The following FCSK variants were observed in gnomAD, a reference collection of about 807,000 sequenced individuals.
FCSK encodes the protein fucose kinase, also known as L-fucose kinase.
A neutral mutation model predicts 122.5 loss-of-function variants in FCSK; 123 were observed. That is an observed-to-expected ratio of 1.00 (90% CI 0.87 to 1.17). FCSK has a LOEUF of 1.17. Ranked by LOEUF, FCSK falls within the 50% of genes most tolerant of loss-of-function variation. The pLI, the probability that FCSK is intolerant of heterozygous loss-of-function variation, is 0.00. For synonymous variants in FCSK, 620 were observed against 625.5 expected (o/e 0.99, Z 0.13); for missense variants, 1,366 against 1,450.4 (o/e 0.94, Z 0.95).
rs1465101242 is a variant in FCSK at position 70,472,981 on chromosome 16, A to G, written c.1407-2A>G. On this transcript the variant is annotated splice_acceptor_variant, in intron 14 of 23. Coordinates refer to ENST00000288078, the MANE Select transcript of FCSK (RefSeq NM_145059.3). LOFTEE classifies it high-confidence loss of function. Reference sequence around the variant, plus strand: ...TGGGAATGTGCCTTCTCCCCACATCAGAGCCTGGGACCTGTGGGACCCTGA... The same window carrying G: ...TGGGAATGTGCCTTCTCCCCACATCGGAGCCTGGGACCTGTGGGACCCTGA... The G allele has an allele frequency of 6.2e-7, 1 of 1,601,482 alleles. No individual in the cohort carries two copies. The highest frequency in any genetic ancestry group is 8.5e-7 in the Non-Finnish European group (1 of 1,174,510).
intron 1 of FCSK, among the ~76,000 whole-genome samples, chr16:70,460,057 C>T (rs572657539): frequency 1.6e-3 from 242 of 151,396 alleles, no homozygotes; most frequent in African/African-American, 5.7e-3. Context: ...CCCCTGTCTC[C>T]CAAAGTGCTC....
At chr16:70,462,996 G>C (rs1234139409) in intron 1 of FCSK, among the ~76,000 whole-genome samples, 173 bp from the exon 2 acceptor site, 2 of 152,212 alleles carry the variant, frequency 1.3e-5, no homozygotes, top group Non-Finnish European at 2.9e-5. Flanking sequence ...ATCAGTGGTT[G>C]TCAGGGCGTA....
intron 1 of FCSK, among the ~76,000 whole-genome samples, chr16:70,462,660 T>G (rs1432698627): frequency 6.6e-6 from 1 of 151,942 alleles, no homozygotes; most frequent in Admixed American, 6.6e-5. Context: ...ATTTATTTTT[T>G]TTGAGACGGA....
chr16:70,461,244 G>T (rs2048254932), intron 1 of FCSK, among the ~76,000 whole-genome samples: 1 of 152,220 alleles, frequency 6.6e-6, no homozygotes, highest in Non-Finnish European at 1.5e-5. Context: ...TCAGGGCGCA[G>T]CTCAGCCAGT....
intron 20 of FCSK, 167 bp downstream of exon 20, chr16:70,475,934 C>T (rs2151729025): frequency 1.5e-6 from 1 of 687,054 alleles, no homozygotes; most frequent in East Asian, 3.2e-5. Flanking sequence ...TGGTCGTTTT[C>T]AACCTGAAAT....
At position 70,473,146 on chromosome 16, in the gene FCSK, G is replaced by T. The variant is rs550917987; in HGVS notation, c.1570G>T (p.Ala524Ser). Residue 524 changes from alanine (A) to serine (S), a missense_variant, in exon 15 of 24, where the codon GCC (alanine) becomes TCC (serine). Transcript: ENST00000288078. This position sits in a 1 kb window ranked among gnomAD's most constrained non-coding sequence, Gnocchi z 4.9. ...GGGCGAGGCCCTGCGAGCCTGGCGG[G>T]CCTCCTGGCGCCTGTCCTGGGAGCA... ...DGGEALRAWR[A>S]SWRLSWEQLQ... 3.2e-4 allele frequency: 498 copies of T among 1,550,754 alleles called. 9 individuals carry two copies. The South Asian group carries it at 5.5e-3, about 17-fold the overall frequency.
chr16:70,455,147 C>G lies in FCSK; in HGVS notation c.-23+517C>G, dbSNP rs1467922542. ...AGAGTCCTCCGTGAGCCTTTTTTTC[C>G]TCTTTAAAGTTCTAAAATGTGCAGT... On this transcript the variant is annotated intron_variant, in intron 1 of 23. Transcript: ENST00000288078. 2.0e-5 allele frequency among the ~76,000 whole-genome samples: 3 copies of G among 152,150 alleles called. No individual in the cohort carries two copies. The East Asian group carries it at 5.8e-4, about 29-fold the overall frequency.
chr16:70,474,567 G>A lies in FCSK; in HGVS notation c.2028G>A (p.Gly676=), dbSNP rs957342101. The change falls in exon 17 of 24, where the codon GGG becomes GGA. Residue 676 remains glycine, a synonymous_variant. Coordinates refer to ENST00000288078, the MANE Select transcript of FCSK (RefSeq NM_145059.3). ...LLVRAARHYE[G]AGQILIRQAV... is the part of the protein sequence containing the mutation. ...TGCGAGCGGCCCGCCACTATGAGGG[G>A]GCTGGTCAGATCCTGATCCGCCAGG... 3 of 1,557,376 alleles carry A rather than the reference G, an allele frequency of 1.9e-6. No homozygotes were observed. Among genetic ancestry groups the A allele is most frequent in the Admixed American group, 1.9e-5 (1 of 51,660 alleles).
At chr16:70,455,865 C>G (rs2048079175) in intron 1 of FCSK, among the ~76,000 whole-genome samples, 1 of 150,954 alleles carries the variant, frequency 6.6e-6, no homozygotes. Flanking sequence ...GCACTCCAGC[C>G]TGACGACAGA....
intron 20 of FCSK, 149 bp from the exon 21 acceptor site, chr16:70,478,122 AC>A: frequency 1.4e-6 from 1 of 692,740 alleles, no homozygotes; most frequent in Non-Finnish European, 2.4e-6. Flanking sequence ...TGTTCTGGGG[AC>A]AGAAGCTGCA....
At chr16:70,472,428 T>A in intron 13 of FCSK, 113 bp from the exon 14 acceptor site, 1 of 767,012 alleles carries the variant, frequency 1.3e-6, no homozygotes, top group East Asian at 2.8e-5. Context: ...ATGTTCTTTG[T>A]CTGTCTTCCT....
In FCSK at chr16:70,474,307, G is replaced by A. The variant is rs2048725665; in HGVS notation, c.1956G>A (p.Ala652=). The change falls in exon 16 of 24, where the codon GCG becomes GCA. Residue 652 remains alanine (A), a synonymous_variant. Transcript: ENST00000288078. ...GAGACCTGGCAGCGGGCGTGGAGGC[G>A]CTTGCCCAGGAGAGGGACAAGTGGC... ...ECGDLAAGVE[A]LAQERDKWLS... 1.6e-5 allele frequency: 26 copies of A among 1,613,524 alleles called. No individual in the cohort carries two copies. Among genetic ancestry groups the A allele is most frequent in the East Asian group, 2.2e-5 (1 of 44,868 alleles).
In FCSK at chr16:70,479,570, C is replaced by T. The variant is rs1248876859; in HGVS notation, c.3154-9C>T. The T allele has an allele frequency of 1.2e-6, 2 of 1,611,918 alleles. No individual in the cohort carries two copies. The highest frequency in any genetic ancestry group is 1.7e-6 in the Non-Finnish European group (2 of 1,178,432). On this transcript the variant is annotated splice_polypyrimidine_tract_variant and intron_variant, in intron 23 of 23. Transcript: ENST00000288078. ...CCAGAGCCTTCTAAATACTTCCTGT[C>T]TTGTCCAGGGCCTTGGGAATTACAG...
At position 70,463,486 on chromosome 16, in the gene FCSK, G is replaced by A. The variant is rs373796796; in HGVS notation, c.83-137G>A. On this transcript the variant is annotated intron_variant, in intron 2 of 23. Transcript: ENST00000288078. ...TAATATGACTTCTCTCACTAAGTTG[G>A]GTGAAGATCTAGTGGCCTCCTACAT... 173 of 1,149,082 alleles carry A rather than the reference G, an allele frequency of 1.5e-4. No individual in the cohort carries two copies. In the Middle Eastern group the frequency reaches 2.0e-3, roughly 13 times the overall value. 71.2% of individuals were successfully genotyped at this position (1,149,082 alleles called of 1,614,324 possible).
Position 70,472,595 on chromosome 16 carries a change from A to G in FCSK, c.1396A>G (p.Thr466Ala). ...GCCCTGGAGTGAATTCTTCAAGAGG[A>G]CAGGTGTTCGGTAAGGTGGACACCC... Reference protein sequence around the residue: ...NVPWSEFFKRTGVRAWDLWDP... With the variant: ...NVPWSEFFKRAGVRAWDLWDP... Residue 466 changes from threonine to alanine, a missense_variant, in exon 14 of 24, where the codon ACA (threonine) becomes GCA (alanine). Transcript: ENST00000288078. 1 of 1,612,814 alleles carries G rather than the reference A, an allele frequency of 6.2e-7. No individual in the cohort carries two copies. Among genetic ancestry groups the G allele is most frequent in the African/African-American group, 1.3e-5 (1 of 74,944 alleles).
chr16:70,478,040 G>A (rs903770882), intron 20 of FCSK: 3 of 564,972 alleles, frequency 5.3e-6, no homozygotes, highest in African/African-American at 3.8e-5. Flanking sequence ...TATACATTAG[G>A]TCTAAAACAA....
Position 70,474,618 on chromosome 16 carries a change from C to A in FCSK, c.2079C>A (p.Val693=), listed in dbSNP as rs745471444. ...CTGTGATGTCAGCCCAGCACTTTGTCTCCACAGAGCAGGTGGAACTGCCGG... is the reference window on the plus strand; with the variant it reads ...CTGTGATGTCAGCCCAGCACTTTGTATCCACAGAGCAGGTGGAACTGCCGG... The part of the protein sequence containing the change: ...RQAVMSAQHF[V]STEQVELPGP... Residue 693 remains valine (V), a synonymous_variant, in exon 17 of 24, where the codon GTC becomes GTA. Coordinates refer to ENST00000288078, the MANE Select transcript of FCSK (RefSeq NM_145059.3). The A allele has an allele frequency of 1.9e-5, 30 of 1,586,926 alleles. No individual in the cohort carries two copies. The highest frequency in any genetic ancestry group is 2.5e-5 in the Non-Finnish European group (29 of 1,166,730).
At chr16:70,466,786 C>T in intron 5 of FCSK, 96 bp from the exon 6 acceptor site, 1 of 1,127,696 alleles carries the variant, frequency 8.9e-7, no homozygotes, top group East Asian at 2.4e-5. Context: ...CTTGGAGGCC[C>T]TTGTTACTTC....
rs1349561443 is a variant in FCSK, at chr16:70,474,959, A to C, written c.2325A>C (p.Ile775=). ...GGCAGGATGAGATGACTGTGAAGATAGTGTGCCGGTGCCTGGCTGACCTGC... is the reference window on the plus strand; with the variant it reads ...GGCAGGATGAGATGACTGTGAAGATCGTGTGCCGGTGCCTGGCTGACCTGC... The part of the protein sequence containing the change: ...GPRQDEMTVK[I]VCRCLADLRD... Residue 775 remains isoleucine, a synonymous_variant, in exon 18 of 24, where the codon ATA becomes ATC. Coordinates refer to ENST00000288078, the MANE Select transcript of FCSK (RefSeq NM_145059.3). The C allele has an allele frequency of 1.2e-6, 2 of 1,611,312 alleles. No individual in the cohort carries two copies. The highest frequency in any genetic ancestry group is 2.2e-5 in the East Asian group (1 of 44,834).
Sources: gnomAD v4.1 joint callset for allele counts (sites outside exome capture counted in the v4.1 genomes callset) on GRCh38, gnomAD v4.1.1 for gene constraint, Gnocchi (gnomAD v3.1) non-coding constraint, MANE v1.5 for transcripts, NCBI Gene and HGNC (gene_info 2026-07-23, HGNC 2026-07-21) for gene names.